PCDHGB2: variants seen among roughly 807,000 people sequenced by gnomAD.
PCDHGB2 encodes the protein protocadherin gamma subfamily B, 2.
PCDHGB2 carries 55 observed loss-of-function variants against 59.3 expected under a neutral mutation model. The ratio of observed to expected loss-of-function variants is 0.93; its 90% CI spans 0.75 to 1.16. The LOEUF (loss-of-function observed/expected upper bound fraction) is 1.16. PCDHGB2 is among the 50% of genes most tolerant of loss of function. The pLI is 0.00. For missense variants in PCDHGB2, 1,228 were observed against 1,198.5 expected, an observed-to-expected ratio of 1.02 and a Z score of -0.36; for synonymous variants, 516 against 512.0, an observed-to-expected ratio of 1.01 and a Z score of -0.11.
At chr5:141,394,310 GC>G in intron 1 of PCDHGB2, 6 of 1,613,936 alleles carry the variant, frequency 3.7e-6, no homozygotes, top group Non-Finnish European at 5.1e-6. Context: ...TGCAGGGGGC[GC>G]CCCTGTCCTC....
At chr5:141,365,871 T>C in intron 1 of PCDHGB2, 1 of 1,614,098 alleles carries the variant, frequency 6.2e-7, no homozygotes, top group Non-Finnish European at 8.5e-7. Context: ...ACCGGTGTCC[T>C]GTATGCTCTG....
chr5:141,402,749 G>A (rs768250544), intron 1 of PCDHGB2, among the ~76,000 whole-genome samples: 4 of 152,152 alleles, frequency 2.6e-5, no homozygotes, highest in Non-Finnish European at 5.9e-5. Flanking sequence ...TCAACTCTAA[G>A]CGAAAATCAG....
intron 1 of PCDHGB2, chr5:141,376,167 T>C (rs1772357284): frequency 3.1e-6 from 5 of 1,614,124 alleles, no homozygotes; most frequent in East Asian, 2.2e-5. Context: ...TACCTGGTGG[T>C]GGCGGTGGCC....
At chr5:141,422,959 C>A in intron 1 of PCDHGB2, 1 of 1,614,234 alleles carries the variant, frequency 6.2e-7, no homozygotes, top group South Asian at 1.1e-5. Context: ...TGGCGTGGAG[C>A]TGGCGCCCCG....
intron 1 of PCDHGB2, chr5:141,426,871 A>G (rs887250057): frequency 2.2e-6 from 1 of 456,722 alleles, no homozygotes; most frequent in Non-Finnish European, 4.4e-6. Flanking sequence ...GTGCTGGAGA[A>G]GCCCCTGGGC....
chr5:141,394,547 G>A, intron 1 of PCDHGB2: 8 of 1,614,098 alleles, frequency 5.0e-6, no homozygotes, highest in Non-Finnish European at 6.8e-6. Context: ...TGGAGCTGGC[G>A]CCCCGCTCCG....
At chr5:141,488,439 C>G (rs2099675441) in intron 1 of PCDHGB2, among the ~76,000 whole-genome samples, 1 of 152,206 alleles carries the variant, frequency 6.6e-6, no homozygotes, top group African/African-American at 2.4e-5. Context: ...TCTGACCACC[C>G]TCCTGGGTGA....
Position 141,374,942 on chromosome 5 carries a change from A to G in PCDHGB2, c.2421+12386A>G, listed in dbSNP as rs758134474. The G allele has an allele frequency of 5.6e-6, 9 of 1,613,926 alleles. No individual in the cohort carries two copies. Among genetic ancestry groups the G allele is most frequent in the Non-Finnish European group, 7.6e-6 (9 of 1,179,910 alleles). ...TTATTCCTTTGTGAAGATTACAGAA[A>G]AGATCTCACAAATTTTCTGTTTGAA... On this transcript the variant is annotated intron_variant, in intron 1 of 3. Coordinates refer to ENST00000522605, the MANE Select transcript of PCDHGB2 (RefSeq NM_018923.3).
rs186288044 is a variant in PCDHGB2, at chr5:141,433,652, A to G, written c.2422-61155A>G. On this transcript the variant is annotated intron_variant, in intron 1 of 3. Transcript: ENST00000522605. ...GGAGTTTGAGACCAGCCTGACCAAC[A>G]TGGAGAAACCCCGTCTATACTAAAA... is the stretch of plus-strand genomic sequence containing the variant. 1.0e-2 allele frequency among the ~76,000 whole-genome samples: 1,520 copies of G among 152,208 alleles called. 33 individuals are homozygous for G. The highest frequency in any genetic ancestry group is 0.034 in the African/African-American group (1,423 of 41,538).
At chr5:141,484,102 A>T (rs1404220648) in intron 1 of PCDHGB2, among the ~76,000 whole-genome samples, 1 of 152,206 alleles carries the variant, frequency 6.6e-6, no homozygotes, top group African/African-American at 2.4e-5. Flanking sequence ...GTTGGTAATT[A>T]ACAAAAGATC....
At chr5:141,421,261 C>T (rs753531462) in intron 1 of PCDHGB2, 24 of 1,609,076 alleles carry the variant, frequency 1.5e-5, no homozygotes, top group Non-Finnish European at 2.0e-5. Context: ...GGACCGCAGT[C>T]GGCTGCTGCT....
chr5:141,503,222 G>C (rs540244346), intron 2 of PCDHGB2, among the ~76,000 whole-genome samples: 1 of 152,120 alleles, frequency 6.6e-6, no homozygotes, highest in Middle Eastern at 3.4e-3. Context: ...CATGAGCACC[G>C]TAAAGATGGA....
chr5:141,374,318 C>G (rs773144400), intron 1 of PCDHGB2: 2 of 1,613,996 alleles, frequency 1.2e-6, no homozygotes, highest in South Asian at 2.2e-5. Flanking sequence ...CTCTCTGAAT[C>G]CGCGAAACGG....
rs368437640 is a variant in PCDHGB2, at chr5:141,365,739, C to A, written c.2421+3183C>A. ...ACAGAAAACAATCCCAGAGGTGTCT[C>A]TATCTTCTCTGTGACAGCCCATGAC... On this transcript the variant is annotated intron_variant, in intron 1 of 3. Coordinates refer to ENST00000522605, the MANE Select transcript of PCDHGB2 (RefSeq NM_018923.3). 107 of 1,613,792 alleles carry A rather than the reference C, an allele frequency of 6.6e-5. No homozygotes were observed. Among genetic ancestry groups the A allele is most frequent in the Non-Finnish European group, 9.0e-5 (106 of 1,179,874 alleles).
Position 141,477,413 on chromosome 5 carries a change from G to A in PCDHGB2, c.2422-17394G>A. ...CCTCAGCATCACCGCCCGAGACGCC[G>A]GAACCCCTTCCCTCTCAGCCCTTAC... On this transcript the variant is annotated intron_variant, in intron 1 of 3. Transcript: ENST00000522605. This position sits in a 1 kb window ranked among gnomAD's most constrained non-coding sequence, Gnocchi z 4.9. 1 of 1,614,080 alleles carries A rather than the reference G, an allele frequency of 6.2e-7. No individual in the cohort carries two copies. Among genetic ancestry groups the A allele is most frequent in the Non-Finnish European group, 8.5e-7 (1 of 1,180,026 alleles).
rs1245331652 is a variant in PCDHGB2 at position 141,361,265 on chromosome 5, G to C, written c.1130G>C (p.Gly377Ala). The C allele has an allele frequency of 6.2e-7, 1 of 1,613,872 alleles. No individual in the cohort carries two copies. The highest frequency in any genetic ancestry group is 8.5e-7 in the Non-Finnish European group (1 of 1,179,886). ...ALIKTRDRDS[G>A]ENGEVYCQVL... is the part of the protein sequence containing the mutation. ...ATAAAAACGAGAGACAGAGACTCTG[G>C]AGAAAATGGAGAAGTTTACTGCCAA... The change falls in exon 1 of 4, where the codon GGA (glycine) becomes GCA (alanine). Residue 377 changes from glycine to alanine, a missense_variant. Gly to Ala is a moderately conservative substitution (Grantham distance 60). Coordinates refer to ENST00000522605, the MANE Select transcript of PCDHGB2 (RefSeq NM_018923.3).
intron 1 of PCDHGB2, among the ~76,000 whole-genome samples, chr5:141,449,042 A>G (rs1211970675): frequency 6.6e-6 from 1 of 152,186 alleles, no homozygotes; most frequent in Non-Finnish European, 1.5e-5. Context: ...ATTATTAACC[A>G]GTCTCATAAA....
In PCDHGB2 at chr5:141,414,949, G is replaced by A. The variant is rs774769957; in HGVS notation, c.2421+52393G>A. On this transcript the variant is annotated intron_variant, in intron 1 of 3. Transcript: ENST00000522605. ...CCGCTCCGCAGAGCCCGGCTACCTGGTGACCAAGGTGGTGGCGGTGGACAG... is the reference window on the plus strand; with the variant it reads ...CCGCTCCGCAGAGCCCGGCTACCTGATGACCAAGGTGGTGGCGGTGGACAG... The A allele has an allele frequency of 8.1e-6, 13 of 1,614,096 alleles. 1 individual carries two copies. The South Asian group carries it at 1.4e-4, about 18-fold the overall frequency.
intron 1 of PCDHGB2, chr5:141,421,032 C>A: frequency 1.9e-6 from 1 of 533,288 alleles, no homozygotes; most frequent in Non-Finnish European, 3.3e-6. Flanking sequence ...GCCATTGAGT[C>A]CCTCCCTCCC....
Sources: allele counts gnomAD v4.1 joint callset (sites outside exome capture counted in the v4.1 genomes callset), GRCh38; gene constraint gnomAD v4.1.1; non-coding constraint Gnocchi (gnomAD v3.1); transcripts MANE v1.5; gene names NCBI Gene and HGNC (gene_info 2026-07-23, HGNC 2026-07-21).